The following TMEM68 variants were observed in gnomAD, a reference collection of about 807,000 sequenced individuals.
TMEM68 encodes the protein DGAT1/2-independent enzyme synthesizing storage lipids.
TMEM68 carries 25 observed loss-of-function variants against 36.9 expected under a neutral mutation model. The observed-to-expected ratio is 0.68, with a 90% CI of 0.49 to 0.95. The LOEUF (loss-of-function observed/expected upper bound fraction) is 0.95, where lower values mean the gene tolerates loss of function less well. Ranked by LOEUF, TMEM68 falls within the 40% of genes least tolerant of loss-of-function variation. The pLI, the probability that TMEM68 is intolerant of heterozygous loss-of-function variation, is 0.00. For missense variants in TMEM68, 333 were observed against 392.0 expected (o/e 0.85, Z 1.27); for synonymous variants, 131 against 124.4 (o/e 1.05, Z -0.35).
intron 1 of TMEM68, among the ~76,000 whole-genome samples, chr8:55,765,392 C>T (rs1348594802): frequency 2.6e-5 from 4 of 152,200 alleles, no homozygotes; most frequent in African/African-American, 9.6e-5. Context: ...CTCCAGTTAT[C>T]TGATACTGAC....
intron 3 of TMEM68, among the ~76,000 whole-genome samples, chr8:55,756,654 C>T (rs578077242): frequency 2.0e-4 from 31 of 152,120 alleles, no homozygotes; most frequent in African/African-American, 7.0e-4. Flanking sequence ...GGAGTGTTGG[C>T]GCCAGACACT....
At chr8:55,764,585 C>A (rs13275317) in intron 1 of TMEM68, among the ~76,000 whole-genome samples, 1 of 152,138 alleles carries the variant, frequency 6.6e-6, no homozygotes, top group African/African-American at 2.4e-5. Flanking sequence ...GATTATCTTG[C>A]TAACTGGCTT....
At chr8:55,751,428 T>C in intron 4 of TMEM68, 1 of 428,994 alleles carries the variant, frequency 2.3e-6, no homozygotes, top group South Asian at 2.2e-5. Flanking sequence ...TACAGAATAA[T>C]AGCTTGCTCA....
chr8:55,758,958 G>C (rs1810690340), intron 3 of TMEM68, among the ~76,000 whole-genome samples: 1 of 152,152 alleles, frequency 6.6e-6, no homozygotes, highest in South Asian at 2.1e-4. Flanking sequence ...CTAAAGATTT[G>C]ATATTAGTAA....
At chr8:55,759,358 G>T (rs1810709582) in intron 3 of TMEM68, among the ~76,000 whole-genome samples, 1 of 151,786 alleles carries the variant, frequency 6.6e-6, no homozygotes, top group Non-Finnish European at 1.5e-5. Flanking sequence ...ATCACCTGAG[G>T]TCAGGAGTTC....
chr8:55,755,936 T>C (rs985905743), intron 4 of TMEM68, among the ~76,000 whole-genome samples: 5 of 151,802 alleles, frequency 3.3e-5, no homozygotes, highest in Non-Finnish European at 5.9e-5. Context: ...AAGGAAAATT[T>C]AAAATTATTT....
Position 55,771,652 on chromosome 8 carries a change from T to C in TMEM68, c.-115+1617A>G, listed in dbSNP as rs1351315304. On this transcript the variant is annotated intron_variant, in intron 1 of 7. Coordinates refer to ENST00000434581, the MANE Select transcript of TMEM68 (RefSeq NM_001286657.2). ...AATAAATAAATAAATAAAGTATATC[T>C]ATTTTGAACACCCATTACCAGTACT... Among the ~76,000 whole-genome samples the C allele has an allele frequency of 3.3e-5, 5 of 152,242 alleles. No individual in the cohort carries two copies. In the East Asian group the frequency reaches 9.6e-4, roughly 29 times the overall value.
chr8:55,750,565 A>T lies in TMEM68; in HGVS notation c.687+399T>A, dbSNP rs543078902. 3.4e-5 allele frequency among the ~76,000 whole-genome samples: 5 copies of T among 147,246 alleles called. No homozygotes were observed. In the South Asian group the frequency reaches 1.1e-3, roughly 32 times the overall value. On this transcript the variant is annotated intron_variant, in intron 5 of 7. Coordinates refer to ENST00000434581, the MANE Select transcript of TMEM68 (RefSeq NM_001286657.2). ...TCTTTTTTTTTTTTTTTTCTGAGAC[A>T]GTCTCACTCTGTCACCCAGGCTGGA...
intron 7 of TMEM68, 83 bp from the exon 8 acceptor site, chr8:55,740,301 G>T: frequency 2.0e-6 from 2 of 999,416 alleles, no homozygotes; most frequent in Non-Finnish European, 3.0e-6. Context: ...CAGAATTAAT[G>T]ATTTCCTTCT....
intron 1 of TMEM68, among the ~76,000 whole-genome samples, chr8:55,772,488 T>G (rs1240830431): frequency 3.3e-5 from 5 of 152,198 alleles, no homozygotes; most frequent in African/African-American, 9.7e-5. Flanking sequence ...TATGCCCACA[T>G]GAACTTTTTT....
chr8:55,743,408 ATC>A, intron 7 of TMEM68, 71 bp downstream of exon 7: 1 of 1,464,154 alleles, frequency 6.8e-7, no homozygotes. Flanking sequence ...ATAAAAATAA[ATC>A]AATGAGATTC....
intron 1 of TMEM68, among the ~76,000 whole-genome samples, chr8:55,764,204 T>A (rs957987050): frequency 6.6e-6 from 1 of 152,338 alleles, no homozygotes; most frequent in Non-Finnish European, 1.5e-5. Context: ...TGCCACTATA[T>A]AGAGCCCCAC....
chr8:55,740,427 A>C (rs1194379810), intron 7 of TMEM68, among the ~76,000 whole-genome samples: 2 of 152,134 alleles, frequency 1.3e-5, no homozygotes, highest in African/African-American at 2.4e-5. Flanking sequence ...TGGCCTTCCA[A>C]TGTGCTGGGA....
At chr8:55,760,745 T>C (rs945098826) in intron 3 of TMEM68, 1 of 152,240 alleles carries the variant, frequency 6.6e-6, no homozygotes, top group Non-Finnish European at 1.5e-5. Flanking sequence ...GATTCTAGTA[T>C]GAAATAAGCT....
In TMEM68 at chr8:55,771,247, T is replaced by C. The variant is rs185935862; in HGVS notation, c.-115+2022A>G. Among the ~76,000 whole-genome samples the C allele has an allele frequency of 3.1e-3, 470 of 152,206 alleles. 5 individuals are homozygous for C. Among genetic ancestry groups the C allele is most frequent in the African/African-American group, 0.01 (417 of 41,530 alleles). On this transcript the variant is annotated intron_variant, in intron 1 of 7. Transcript: ENST00000434581. ...TTACAGATGTTTAAAATCAGAGTATTTCAAAAACTAATAAATCAGAACAGA... is the reference window on the plus strand; with the variant it reads ...TTACAGATGTTTAAAATCAGAGTATCTCAAAAACTAATAAATCAGAACAGA...
chr8:55,751,243 T>A, intron 4 of TMEM68, 86 bp from the exon 5 acceptor site: 2 of 1,148,944 alleles, frequency 1.7e-6, no homozygotes, highest in Non-Finnish European at 2.4e-6. Flanking sequence ...CTACATAGTG[T>A]ACTATTTATA....
At chr8:55,772,029 C>T (rs1167741985) in intron 1 of TMEM68, among the ~76,000 whole-genome samples, 1 of 152,142 alleles carries the variant, frequency 6.6e-6, no homozygotes, top group Non-Finnish European at 1.5e-5. Flanking sequence ...TTCATAATTA[C>T]TGTTCTACCC....
At chr8:55,743,752 T>G (rs979715265) in intron 6 of TMEM68, 132 bp from the exon 7 acceptor site, 11 of 747,698 alleles carry the variant, frequency 1.5e-5, no homozygotes, top group Non-Finnish European at 2.2e-5. Flanking sequence ...TTAATACAAT[T>G]TTTTTAAAAA....
At chr8:55,751,466 C>G (rs1007510121) in intron 4 of TMEM68, 3 of 420,968 alleles carry the variant, frequency 7.1e-6, no homozygotes, top group African/African-American at 6.3e-5. Context: ...AGTGGCAGGG[C>G]AGAGATTCCA....
Sources: gnomAD v4.1 joint callset for allele counts (sites outside exome capture counted in the v4.1 genomes callset) on GRCh38, gnomAD v4.1.1 for gene constraint, MANE v1.5 for transcripts, NCBI Gene and HGNC (gene_info 2026-07-23, HGNC 2026-07-21) for gene names.